The following NTRK2 variants were observed in gnomAD, a reference collection of about 807,000 sequenced individuals.
The protein encoded by NTRK2 is neurotrophic receptor tyrosine kinase 2.
NTRK2 carries 13 observed loss-of-function variants against 94.5 expected under a neutral mutation model. The ratio of observed to expected loss-of-function variants is 0.14; its 90% CI spans 0.09 to 0.22. The LOEUF (loss-of-function observed/expected upper bound fraction) is 0.22, where lower values mean the gene tolerates loss of function less well. NTRK2 is among the 10% of genes least tolerant of loss of function. The pLI is 1.00. For synonymous variants in NTRK2, 372 were observed against 407.4 expected, an observed-to-expected ratio of 0.91 and a Z score of 1.05; for missense variants, 639 against 1,071.2, an observed-to-expected ratio of 0.60 and a Z score of 5.63.
At chr9:84,717,921 T>G (rs997740924) in intron 6 of NTRK2, among the ~76,000 whole-genome samples, 2 of 152,216 alleles carry the variant, frequency 1.3e-5, no homozygotes, top group Admixed American at 1.3e-4. Flanking sequence ...GATTTCTTTA[T>G]AGCAGGAGTT....
chr9:84,688,147 G>T (rs1306212521), intron 2 of NTRK2, among the ~76,000 whole-genome samples: 1 of 152,208 alleles, frequency 6.6e-6, no homozygotes, highest in Non-Finnish European at 1.5e-5. Flanking sequence ...TCCTGGGGAA[G>T]GGTGAAATCC....
chr9:84,670,670 A>C lies in NTRK2; in HGVS notation c.-79A>C, dbSNP rs201990096. The C allele has an allele frequency of 6.3e-6, 9 of 1,433,588 alleles. No individual in the cohort carries two copies. Among genetic ancestry groups the C allele is most frequent in the Admixed American group, 1.7e-5 (1 of 59,756 alleles). The allele number at this position is 1,433,588 out of a possible 1,614,324, so 88.8% of individuals were successfully genotyped here. ...AGTTAAGAGAGCCGCAAGCGCAGGG[A>C]AGGCCTCCCCGCACGGGTGGGGGAA... On this transcript the variant is annotated 5_prime_UTR_variant, in exon 2 of 19. Transcript: ENST00000277120.
intron 14 of NTRK2, among the ~76,000 whole-genome samples, chr9:84,923,260 T>C (rs2077627608): frequency 6.6e-6 from 1 of 152,224 alleles, no homozygotes; most frequent in African/African-American, 2.4e-5. Flanking sequence ...AACTCCAGCC[T>C]GTTTTTGTAA....
chr9:84,857,737 G>C (rs571690745), intron 12 of NTRK2, among the ~76,000 whole-genome samples: 8 of 152,282 alleles, frequency 5.3e-5, no homozygotes, highest in Middle Eastern at 3.4e-3. Flanking sequence ...TCAGCTGGGT[G>C]CTCCTTCATT....
Position 85,023,934 on chromosome 9 carries a change from A to C in NTRK2, c.*2497A>C, listed in dbSNP as rs1406740471. On this transcript the variant is annotated 3_prime_UTR_variant, in exon 19 of 19. Transcript: ENST00000277120. ...AGGAGGAATGTGCAATTTTAGAGCA[A>C]AGATTTGTTTAAGGCAAATGAGACT... 1 of 230,136 alleles carries C rather than the reference A, an allele frequency of 4.3e-6. No homozygotes were observed. Among genetic ancestry groups the C allele is most frequent in the Non-Finnish European group, 8.6e-6 (1 of 116,250 alleles). 14.3% of individuals were successfully genotyped at this position (230,136 alleles called of 1,614,324 possible).
chr9:84,845,433 G>A (rs1473760278), intron 12 of NTRK2, among the ~76,000 whole-genome samples: 1 of 152,164 alleles, frequency 6.6e-6, no homozygotes, highest in Non-Finnish European at 1.5e-5. Context: ...AAATACAGAT[G>A]TCTCATTTCA....
chr9:84,927,291 T>C (rs1053810485), intron 14 of NTRK2, among the ~76,000 whole-genome samples: 66 of 152,228 alleles, frequency 4.3e-4, no homozygotes, highest in African/African-American at 1.4e-3. Context: ...TTTATTTCTC[T>C]TGACTTCAGT....
At chr9:84,976,284 C>T (rs1226093671) in intron 17 of NTRK2, among the ~76,000 whole-genome samples, 2 of 152,054 alleles carry the variant, frequency 1.3e-5, no homozygotes, top group Non-Finnish European at 2.9e-5. Context: ...TTGCTGTGTC[C>T]CTGTGTGGCA....
At chr9:84,812,627 C>T (rs2071934967) in intron 12 of NTRK2, 1 of 1,046,506 alleles carries the variant, frequency 9.6e-7, no homozygotes, top group African/African-American at 1.7e-5. Flanking sequence ...CAGGCAGGAG[C>T]TCAGTATGGC....
chr9:84,853,598 G>T (rs908821229), intron 12 of NTRK2, among the ~76,000 whole-genome samples: 17 of 152,110 alleles, frequency 1.1e-4, no homozygotes, highest in Non-Finnish European at 7.4e-5. Flanking sequence ...TTTCAAAATT[G>T]TTGTTCTCAT....
In NTRK2 at chr9:84,958,752, A is replaced by G. The variant is rs529261194; in HGVS notation, c.2172+3235A>G. On this transcript the variant is annotated intron_variant, in intron 17 of 18. Coordinates refer to ENST00000277120, the MANE Select transcript of NTRK2 (RefSeq NM_006180.6). Reference sequence around the variant, plus strand: ...CAGCCTAGGGAAACAAGGAAATGACACTTTATTTTGCCTTTCTAAAATGTC... The same window carrying G: ...CAGCCTAGGGAAACAAGGAAATGACGCTTTATTTTGCCTTTCTAAAATGTC... Among the ~76,000 whole-genome samples, 109 of 152,294 alleles carry G rather than the reference A, an allele frequency of 7.2e-4. 1 individual carries two copies. The Middle Eastern group carries it at 0.014, about 19-fold the overall frequency.
At chr9:84,903,145 T>C (rs943101620) in intron 14 of NTRK2, among the ~76,000 whole-genome samples, 3 of 152,240 alleles carry the variant, frequency 2.0e-5, no homozygotes, top group African/African-American at 7.2e-5. Flanking sequence ...TTTATTTTCT[T>C]GTTTAAAGTG....
At chr9:84,951,431 T>G (rs1355982010) in intron 16 of NTRK2, among the ~76,000 whole-genome samples, 1 of 152,234 alleles carries the variant, frequency 6.6e-6, no homozygotes, top group African/African-American at 2.4e-5. Flanking sequence ...CCCAGTCTAC[T>G]TCCCTAATTC....
chr9:84,945,075 G>T (rs190260965), intron 15 of NTRK2, among the ~76,000 whole-genome samples: 1 of 152,278 alleles, frequency 6.6e-6, no homozygotes, highest in South Asian at 2.1e-4. Context: ...ACTGGAAGGG[G>T]AACACAAGTT....
chr9:84,867,747 T>C (rs574844485), intron 14 of NTRK2, among the ~76,000 whole-genome samples: 1 of 152,290 alleles, frequency 6.6e-6, no homozygotes, highest in South Asian at 2.1e-4. Flanking sequence ...AAACCAGAAG[T>C]GTCATTTGAA....
chr9:84,878,016 C>A, intron 14 of NTRK2: 2 of 903,462 alleles, frequency 2.2e-6, no homozygotes, highest in Non-Finnish European at 2.7e-6. Flanking sequence ...AGAAGTTGTC[C>A]GCATTGGTTC....
At chr9:84,988,240 T>C (rs1056725984) in intron 17 of NTRK2, among the ~76,000 whole-genome samples, 2 of 152,142 alleles carry the variant, frequency 1.3e-5, no homozygotes, top group Non-Finnish European at 2.9e-5. Flanking sequence ...AGGAGGGCCA[T>C]AGATAGGCTG....
intron 17 of NTRK2, among the ~76,000 whole-genome samples, chr9:84,956,453 A>T (rs1360404910): frequency 6.6e-6 from 1 of 152,282 alleles, no homozygotes; most frequent in East Asian, 1.9e-4. Context: ...TGAAGTTGTG[A>T]TATTTAGAGT....
intron 12 of NTRK2, chr9:84,814,686 A>C: frequency 9.4e-7 from 1 of 1,064,788 alleles, no homozygotes. Context: ...TTCACACTAC[A>C]CTAGAAGTTT....
Sources: allele counts gnomAD v4.1 joint callset (sites outside exome capture counted in the v4.1 genomes callset), GRCh38; gene constraint gnomAD v4.1.1; transcripts MANE v1.5; gene names NCBI Gene and HGNC (gene_info 2026-07-23, HGNC 2026-07-21).